The following SHPRH variants were observed in gnomAD, a reference collection of about 807,000 sequenced individuals.
SHPRH encodes the protein E3 ubiquitin-protein ligase SHPRH.
SHPRH carries 106 observed loss-of-function variants against 202.5 expected under a neutral mutation model. That is an observed-to-expected ratio of 0.52 (90% CI 0.45 to 0.62). SHPRH has a LOEUF of 0.62. SHPRH is among the 20% of genes least tolerant of loss of function. SHPRH has a pLI of 0.00. For synonymous variants in SHPRH, 729 were observed against 686.0 expected (o/e 1.06, Z -0.98); for missense variants, 1,710 against 2,020.0 (o/e 0.85, Z 2.94).
chr6:145,870,748 C>A (rs1357511729), intron 2 of SHPRH, among the ~76,000 whole-genome samples: 1 of 152,114 alleles, frequency 6.6e-6, no homozygotes, highest in Non-Finnish European at 1.5e-5. Context: ...GGGAAACTTT[C>A]AAGTTTCTCA....
At chr6:145,892,881 G>T (rs1294803680) in intron 28 of SHPRH, among the ~76,000 whole-genome samples, 3 of 151,928 alleles carry the variant, frequency 2.0e-5, no homozygotes, top group African/African-American at 7.3e-5. Context: ...AGGCATGATG[G>T]ATGCCTTCAA....
At chr6:145,875,320 C>T (rs1780250265) in intron 2 of SHPRH, among the ~76,000 whole-genome samples, 1 of 152,168 alleles carries the variant, frequency 6.6e-6, no homozygotes, top group Non-Finnish European at 1.5e-5. Flanking sequence ...GGATGCTGCT[C>T]AATCTTATAA....
Position 145,955,267 on chromosome 6 carries a change from T to C in SHPRH, c.56A>G (p.Gln19Arg), listed in dbSNP as rs1454060544. 91 of 1,611,690 alleles carry C rather than the reference T, an allele frequency of 5.6e-5. No individual in the cohort carries two copies. The highest frequency in any genetic ancestry group is 7.6e-5 in the Non-Finnish European group (90 of 1,179,808). Residue 19 changes from glutamine to arginine, a missense_variant, in exon 2 of 30, where the codon CAG (glutamine) becomes CGG (arginine). By Grantham distance (43) the Gln-to-Arg change is conservative. Around this residue, in one of 8 missense-constraint regions of SHPRH, gnomAD observed 459 missense variants for 426.5 expected, o/e 1.08. Coordinates refer to ENST00000275233, the MANE Select transcript of SHPRH (RefSeq NM_001042683.3). The part of the protein sequence containing the change: ...PPVRVDEEKR[Q>R]QLHWNMHEDR... The stretch of plus-strand genomic sequence containing the variant: ...CTCATGCATATTCCAATGAAGCTGC[T>C]GCCTCTTTTCCTCATCTACCCTCAC...
At chr6:145,949,886 G>A (rs1219139427) in intron 4 of SHPRH, among the ~76,000 whole-genome samples, 1 of 152,032 alleles carries the variant, frequency 6.6e-6, no homozygotes, top group Non-Finnish European at 1.5e-5. Flanking sequence ...TTTGCTTTCT[G>A]TCACCAACAT....
chr6:145,956,000 T>G (rs1430638666), intron 1 of SHPRH, among the ~76,000 whole-genome samples: 2 of 151,684 alleles, frequency 1.3e-5, no homozygotes, highest in Non-Finnish European at 2.9e-5. Flanking sequence ...AAATGCAACA[T>G]CTAAAACGAA....
intron 2 of SHPRH, among the ~76,000 whole-genome samples, chr6:145,869,046 G>A (rs933086411): frequency 2.0e-5 from 3 of 152,018 alleles, no homozygotes; most frequent in East Asian, 1.9e-4. Flanking sequence ...CCTCACCAGC[G>A]TTTATTATTG....
At chr6:145,958,848 T>G (rs755872067) in intron 1 of SHPRH, among the ~76,000 whole-genome samples, 4 of 152,180 alleles carry the variant, frequency 2.6e-5, no homozygotes, top group African/African-American at 9.7e-5. Context: ...TTTATTTATT[T>G]ATTGAGATAG....
At chr6:145,886,947 C>T (rs1212070563) in intron 29 of SHPRH, among the ~76,000 whole-genome samples, 160 bp from the exon 30 acceptor site, 1 of 152,122 alleles carries the variant, frequency 6.6e-6, no homozygotes, top group Non-Finnish European at 1.5e-5. Context: ...CTTTGTTATA[C>T]CTTGTCAAAG....
In SHPRH at chr6:145,892,897, T is replaced by C. The variant is rs934151828; in HGVS notation, c.4874+318A>G. 4.6e-5 allele frequency among the ~76,000 whole-genome samples: 7 copies of C among 152,222 alleles called. No individual in the cohort carries two copies. The East Asian group carries it at 7.7e-4, about 17-fold the overall frequency. Reference sequence around the variant, plus strand: ...GGCATGATGGATGCCTTCAACTTTGTAGCTGTCTTAAGTATTTCTAACAAG... The same window carrying C: ...GGCATGATGGATGCCTTCAACTTTGCAGCTGTCTTAAGTATTTCTAACAAG... On this transcript the variant is annotated intron_variant, in intron 28 of 29. Coordinates refer to ENST00000275233, the MANE Select transcript of SHPRH (RefSeq NM_001042683.3).
chr6:145,952,453 C>A lies in SHPRH; in HGVS notation c.659G>T (p.Gly220Val), dbSNP rs562439234. The A allele has an allele frequency of 1.2e-6, 2 of 1,605,418 alleles. No homozygotes were observed. The highest frequency in any genetic ancestry group is 1.7e-6 in the Non-Finnish European group (2 of 1,176,008). Residue 220 changes from glycine to valine, a missense_variant, in exon 3 of 30, where the codon GGC becomes GTC. This residue lies in a region of SHPRH where 459 missense variants were observed against 426.5 expected (regional missense o/e 1.08). Coordinates refer to ENST00000275233, the MANE Select transcript of SHPRH (RefSeq NM_001042683.3). ...ACTCAAGAAGTCTAGTTTTGCTAGG[C>A]CAGCTTCCAAAAGATAAATTCCAAC... ...IKVGIYLLEA[G>V]LAKLDFLSDA...
At chr6:145,954,577 C>A in intron 2 of SHPRH, 113 bp downstream of exon 2, 1 of 1,128,602 alleles carries the variant, frequency 8.9e-7, no homozygotes, top group East Asian at 2.4e-5. Context: ...TACTTTGAAA[C>A]TTAACAATGA....
intron 9 of SHPRH, among the ~76,000 whole-genome samples, chr6:145,942,356 G>A (rs748951587): frequency 6.6e-6 from 1 of 152,122 alleles, no homozygotes; most frequent in Non-Finnish European, 1.5e-5. Flanking sequence ...TTCTGTTGGT[G>A]GTTGTTAATA....
chr6:145,916,871 C>G (rs1784004487), intron 23 of SHPRH, among the ~76,000 whole-genome samples: 1 of 152,214 alleles, frequency 6.6e-6, no homozygotes, highest in South Asian at 2.1e-4. Context: ...CAACCTCTGT[C>G]TCCCAGGTTC....
At chr6:145,888,573 G>A (rs1406019240) in intron 28 of SHPRH, among the ~76,000 whole-genome samples, 1 of 152,176 alleles carries the variant, frequency 6.6e-6, no homozygotes, top group Non-Finnish European at 1.5e-5. Flanking sequence ...GAGATGTGCA[G>A]GGGCCAGGTC....
intron 2 of SHPRH, among the ~76,000 whole-genome samples, chr6:145,865,588 C>T (rs1011503838): frequency 7.9e-5 from 12 of 152,222 alleles, no homozygotes; most frequent in Non-Finnish European, 2.9e-5. Flanking sequence ...GATTTAGAAG[C>T]AGACGTTTAA....
rs1177939561 is a variant in SHPRH, at chr6:145,921,406, A to G, written c.3783-14T>C. ...TGGCCTTTGACTCTGAAAACATACCAGAACAAAACAACAGTAACTGGTATC... is the reference window on the plus strand; with the variant it reads ...TGGCCTTTGACTCTGAAAACATACCGGAACAAAACAACAGTAACTGGTATC... On this transcript the variant is annotated splice_polypyrimidine_tract_variant and intron_variant, in intron 20 of 29. Transcript: ENST00000275233. The G allele has an allele frequency of 6.2e-7, 1 of 1,609,916 alleles. No homozygotes were observed. Among genetic ancestry groups the G allele is most frequent in the Admixed American group, 1.7e-5 (1 of 59,700 alleles).
At chr6:145,880,666 A>AG (rs1562276343), downstream of SHPRH, among the ~76,000 whole-genome samples, 2 of 151,764 alleles carry the variant, frequency 1.3e-5, no homozygotes, top group African/African-American at 2.4e-5. Context: ...AAAGAAAAAA[A>AG]CTTTTCAGGA....
chr6:145,870,413 C>T (rs527571609), intron 2 of SHPRH, among the ~76,000 whole-genome samples: 1 of 152,052 alleles, frequency 6.6e-6, no homozygotes, highest in Non-Finnish European at 1.5e-5. Context: ...AGGCACCCAC[C>T]ACCACACCCA....
At chr6:145,882,847 T>C (rs752957195), downstream of SHPRH, among the ~76,000 whole-genome samples, 2 of 152,166 alleles carry the variant, frequency 1.3e-5, no homozygotes, top group East Asian at 1.9e-4. Context: ...TAATAAAATA[T>C]GCAGAAACGA....
Sources: gnomAD v4.1 joint callset for allele counts (sites outside exome capture counted in the v4.1 genomes callset) on GRCh38, gnomAD v4.1.1 for gene constraint, gnomAD v4.1.1 regional missense constraint, MANE v1.5 for transcripts, NCBI Gene and HGNC (gene_info 2026-07-23, HGNC 2026-07-21) for gene names.